The following EVI5 variants were observed in gnomAD, a reference collection of about 807,000 sequenced individuals.
EVI5 encodes the protein ecotropic viral integration site 5 protein homolog.
Under a neutral mutation model 112.0 loss-of-function variants are expected in EVI5, and 73 were observed. The observed-to-expected ratio is 0.65, with a 90% CI of 0.54 to 0.79. EVI5 has a LOEUF of 0.79. Among genes scored for constraint, EVI5 ranks in the 30% least tolerant of loss-of-function variants. EVI5 has a pLI of 0.00. For synonymous variants in EVI5, 305 were observed against 319.9 expected, an observed-to-expected ratio of 0.95 and a Z score of 0.50; for missense variants, 900 against 968.8, an observed-to-expected ratio of 0.93 and a Z score of 0.94.
chr1:92,600,033 G>T (rs1448216774), intron 18 of EVI5, among the ~76,000 whole-genome samples: 1 of 152,146 alleles, frequency 6.6e-6, no homozygotes, highest in Non-Finnish European at 1.5e-5. Context: ...CAACAGTTCA[G>T]GTAAGGGGTA....
intron 1 of EVI5, among the ~76,000 whole-genome samples, chr1:92,738,832 A>G (rs1319878684): frequency 6.6e-6 from 1 of 152,136 alleles, no homozygotes; most frequent in African/African-American, 2.4e-5. Flanking sequence ...TACTTTTCCA[A>G]ACTTCCACCC....
At chr1:92,545,317 C>T (rs988388140) in intron 19 of EVI5, among the ~76,000 whole-genome samples, 14 of 151,706 alleles carry the variant, frequency 9.2e-5, no homozygotes, top group Admixed American at 2.0e-4. Flanking sequence ...CTCAAGTGAT[C>T]CTCCTGTCTC....
chr1:92,759,923 AC>A (rs1681563072), intron 1 of EVI5, among the ~76,000 whole-genome samples: 2 of 144,798 alleles, frequency 1.4e-5, no homozygotes, highest in African/African-American at 5.0e-5. Context: ...GGTTATTTCC[AC>A]CTTTTGACTC....
chr1:92,755,973 C>T (rs975931880), intron 1 of EVI5: 2 of 182,194 alleles, frequency 1.1e-5, no homozygotes, highest in Non-Finnish European at 2.5e-5. Context: ...GATCACGTCA[C>T]GCTCTTTCTA....
Position 92,545,627 on chromosome 1 carries a change from T to TA in EVI5, c.2166+18014dup, listed in dbSNP as rs1165840163. Among the ~76,000 whole-genome samples, 4 of 152,294 alleles carry TA rather than the reference T, an allele frequency of 2.6e-5. No homozygotes were observed. The East Asian group carries it at 7.7e-4, about 29-fold the overall frequency. On this transcript the variant is annotated intron_variant, in intron 19 of 19. Transcript: ENST00000684568. ...AAGTAACACAATCCCAAACGATTTT[T>TA]AAAAACACAATCAAGAAAGTAATTA...
At chr1:92,776,930 G>A (rs1684220559) in intron 1 of EVI5, among the ~76,000 whole-genome samples, 1 of 151,954 alleles carries the variant, frequency 6.6e-6, no homozygotes, top group Non-Finnish European at 1.5e-5. Flanking sequence ...AGCCTCCCGA[G>A]TAGCTGGGAC....
At chr1:92,633,500 C>A (rs71451511) in intron 14 of EVI5, among the ~76,000 whole-genome samples, 2 of 152,114 alleles carry the variant, frequency 1.3e-5, no homozygotes, top group Non-Finnish European at 2.9e-5. Flanking sequence ...GCAACCCCTG[C>A]CTTTTTTTGT....
intron 9 of EVI5, among the ~76,000 whole-genome samples, chr1:92,693,486 A>G (rs757572850): frequency 1.3e-5 from 2 of 152,182 alleles, no homozygotes; most frequent in Non-Finnish European, 2.9e-5. Context: ...GGGTCAAACT[A>G]AGAGGAAAAG....
chr1:92,568,282 G>T (rs535968734), intron 18 of EVI5, among the ~76,000 whole-genome samples: 40 of 151,196 alleles, frequency 2.6e-4, no homozygotes, highest in African/African-American at 9.5e-4. Context: ...AGGGTAAGGC[G>T]GGCGGATTGC....
At chr1:92,662,912 A>G in intron 12 of EVI5, 47 bp from the exon 13 acceptor site, 1 of 1,114,306 alleles carries the variant, frequency 9.0e-7, no homozygotes, top group Non-Finnish European at 1.1e-6. Flanking sequence ...GGATAGATTC[A>G]AGAAAGACTG....
At chr1:92,736,774 A>C (rs1224824042) in intron 1 of EVI5, 147 bp from the exon 2 acceptor site, 1 of 630,902 alleles carries the variant, frequency 1.6e-6, no homozygotes, top group African/African-American at 1.8e-5. Flanking sequence ...TAGCAACAAT[A>C]CCCTAATATC....
At chr1:92,631,864 T>G (rs927399264) in intron 14 of EVI5, among the ~76,000 whole-genome samples, 1 of 152,246 alleles carries the variant, frequency 6.6e-6, no homozygotes, top group Non-Finnish European at 1.5e-5. Context: ...CATTGATACC[T>G]AATTTATTGA....
chr1:92,687,194 A>G (rs899617547), intron 9 of EVI5, among the ~76,000 whole-genome samples: 1 of 152,186 alleles, frequency 6.6e-6, no homozygotes, highest in Non-Finnish European at 1.5e-5. Flanking sequence ...AAACAGATAT[A>G]TAGACCAATG....
chr1:92,761,629 C>T (rs951855680), intron 1 of EVI5, among the ~76,000 whole-genome samples: 4 of 94,154 alleles, frequency 4.2e-5, no homozygotes, highest in African/African-American at 1.7e-4. Flanking sequence ...ATAATATTCA[C>T]ACCAGTTCCA....
In EVI5 at chr1:92,562,539, A is replaced by T. The variant is rs569690374; in HGVS notation, c.2166+1103T>A. On this transcript the variant is annotated intron_variant, in intron 19 of 19. Coordinates refer to ENST00000684568, the MANE Select transcript of EVI5 (RefSeq NM_001350197.2). ...AGCGAGACTCCGTCTAAAAAAAAAA[A>T]TTATAATAAATACACACAAATAGGT... is the stretch of plus-strand genomic sequence containing the variant. Among the ~76,000 whole-genome samples the T allele has an allele frequency of 7.2e-5, 11 of 152,288 alleles. No homozygotes were observed. The East Asian group carries it at 1.9e-3, about 27-fold the overall frequency.
intron 18 of EVI5, among the ~76,000 whole-genome samples, chr1:92,578,004 G>A (rs1379027482): frequency 6.6e-6 from 1 of 152,146 alleles, no homozygotes; most frequent in East Asian, 1.9e-4. Context: ...TGTAAGGAAA[G>A]GCGCTATGGT....
chr1:92,736,367 G>T, intron 2 of EVI5, 31 bp downstream of exon 2: 1 of 1,378,906 alleles, frequency 7.3e-7, no homozygotes, highest in Non-Finnish European at 1.0e-6. Flanking sequence ...TTGTATAATT[G>T]GAGAGAAAAA....
chr1:92,674,515 A>G (rs1666394087), intron 10 of EVI5, among the ~76,000 whole-genome samples: 1 of 152,124 alleles, frequency 6.6e-6, no homozygotes, highest in African/African-American at 2.4e-5. Context: ...GGAGGGGAAC[A>G]TCACACACTG....
chr1:92,677,279 TACAA>T, intron 9 of EVI5, 61 bp from the exon 10 acceptor site: 1 of 901,050 alleles, frequency 1.1e-6, no homozygotes, highest in Non-Finnish European at 1.7e-6. Flanking sequence ...GTTATTAAAT[TACAA>T]AATTTAAAAA....
Sources: gnomAD v4.1 joint callset for allele counts (sites outside exome capture counted in the v4.1 genomes callset) on GRCh38, gnomAD v4.1.1 for gene constraint, MANE v1.5 for transcripts, NCBI Gene and HGNC (gene_info 2026-07-23, HGNC 2026-07-21) for gene names.